The following HNF1B variants were observed in gnomAD, a reference collection of about 807,000 sequenced individuals.
HNF1B encodes the protein HNF1 homeobox B.
HNF1B carries 8 observed loss-of-function variants against 61.7 expected under a neutral mutation model. That is an observed-to-expected ratio of 0.13 (90% CI 0.08 to 0.23). The LOEUF (loss-of-function observed/expected upper bound fraction) is 0.23, where lower values mean the gene tolerates loss of function less well. Ranked by LOEUF, HNF1B falls within the 10% of genes least tolerant of loss-of-function variation. HNF1B has a pLI of 1.00. For missense variants in HNF1B, 562 were observed against 714.5 expected, an observed-to-expected ratio of 0.79 and a Z score of 2.43; for synonymous variants, 314 against 287.7, an observed-to-expected ratio of 1.09 and a Z score of -0.93.
At chr17:37,724,605 A>T (rs1325202929) in intron 4 of HNF1B, among the ~76,000 whole-genome samples, 1 of 152,230 alleles carries the variant, frequency 6.6e-6, no homozygotes, top group African/African-American at 2.4e-5. Context: ...TGTGAAAATT[A>T]TATGAAATTT....
At chr17:37,690,670 C>T (rs1309811192) in intron 8 of HNF1B, among the ~76,000 whole-genome samples, 1 of 152,194 alleles carries the variant, frequency 6.6e-6, no homozygotes, top group Non-Finnish European at 1.5e-5. Context: ...ACTCTCAGCT[C>T]TCTCACTTGA....
intron 5 of HNF1B, among the ~76,000 whole-genome samples, chr17:37,706,131 G>T (rs567560802): frequency 6.6e-6 from 1 of 152,100 alleles, no homozygotes; most frequent in Admixed American, 6.5e-5. Context: ...GCTGATTTTT[G>T]TATTTTTAGT....
At chr17:37,732,849 G>GTT (rs56385838) in intron 3 of HNF1B, among the ~76,000 whole-genome samples, 44 of 148,730 alleles carry the variant, frequency 3.0e-4, no homozygotes, top group South Asian at 1.1e-3. Context: ...TTGTTTTTTT[G>GTT]TTTTTTTTTT....
At chr17:37,733,036 A>G (rs1256185746) in intron 3 of HNF1B, among the ~76,000 whole-genome samples, 2 of 152,078 alleles carry the variant, frequency 1.3e-5, no homozygotes, top group African/African-American at 4.8e-5. Flanking sequence ...AGTGGACTGA[A>G]CAGATCTGAC....
chr17:37,735,787 C>T (rs1005800944), intron 2 of HNF1B, among the ~76,000 whole-genome samples: 2 of 152,094 alleles, frequency 1.3e-5, no homozygotes. Context: ...CAAACAAGGT[C>T]TTGCTCTGTG....
At chr17:37,728,516 C>T (rs1372036740) in intron 4 of HNF1B, 2 of 151,944 alleles carry the variant, frequency 1.3e-5, no homozygotes, top group African/African-American at 4.8e-5. Context: ...CTGTGTTAGC[C>T]AGGATGGCCT....
intron 4 of HNF1B, among the ~76,000 whole-genome samples, chr17:37,714,145 A>T (rs1383140931): frequency 6.6e-6 from 1 of 152,220 alleles, no homozygotes; most frequent in Non-Finnish European, 1.5e-5. Flanking sequence ...CTGTCAGGTC[A>T]TTGGGAAGAG....
chr17:37,693,059 C>G (rs3110633), intron 8 of HNF1B, among the ~76,000 whole-genome samples: 39,513 of 151,560 alleles, frequency 0.26, 5,466 homozygotes, highest in South Asian at 0.41. Flanking sequence ...GTGTGGTGGC[C>G]TGTGCCTGTA....
rs755951130 is a variant in HNF1B at position 37,731,607 on chromosome 17, T to C, written c.1033A>G (p.Asn345Asp). The C allele has an allele frequency of 3.1e-6, 5 of 1,612,426 alleles. No individual in the cohort carries two copies. The African/African-American group carries it at 4.0e-5, about 13-fold the overall frequency. Residue 345 changes from asparagine to aspartate, a missense_variant, in exon 4 of 9, where the codon AAC becomes GAC. Coordinates refer to ENST00000617811, the MANE Select transcript of HNF1B (RefSeq NM_000458.4). ...PHHQPSSSPP[N>D]KLSGVRYSQQ... ...AACCTTTGCTTACCTGACAGCTTGT[T>C]TGGAGGAGAGGAGCTGGGCTGGTGG...
rs756043181 is a variant in HNF1B at position 37,744,698 on chromosome 17, G to A, written c.187C>T (p.His63Tyr). 4.3e-6 allele frequency: 7 copies of A among 1,613,586 alleles called. No homozygotes were observed. The South Asian group carries it at 6.6e-5, about 15-fold the overall frequency. ...TTGGCGTGGCCGTTGGTGAGAGTAT[G>A]GAAGACCGGCTTGGTGTCGGGCTCG... ...GAEPDTKPVF[H>Y]TLTNGHAKGR... Residue 63 changes from histidine to tyrosine, a missense_variant, in exon 1 of 9, where the codon CAT becomes TAT. His to Tyr is a moderately conservative substitution (Grantham distance 83). Transcript: ENST00000617811.
intron 4 of HNF1B, among the ~76,000 whole-genome samples, chr17:37,711,826 A>G (rs1482048836): frequency 6.6e-6 from 1 of 152,202 alleles, no homozygotes; most frequent in East Asian, 1.9e-4. Context: ...CAGTTTCCCA[A>G]GATGAACCAT....
Position 37,718,627 on chromosome 17 carries a change from A to G in HNF1B, c.1046-7964T>C, listed in dbSNP as rs550034269. Among the ~76,000 whole-genome samples, 4 of 152,304 alleles carry G rather than the reference A, an allele frequency of 2.6e-5. No homozygotes were observed. In the South Asian group the frequency reaches 8.3e-4, roughly 32 times the overall value. On this transcript the variant is annotated intron_variant, in intron 4 of 8. Coordinates refer to ENST00000617811, the MANE Select transcript of HNF1B (RefSeq NM_000458.4). ...CCTAAGCCCCAAATGGGCTCCAGAT[A>G]TGTAGAGCCTCCCCATCACGACCCA...
At chr17:37,711,342 C>T (rs1568646275) in intron 4 of HNF1B, among the ~76,000 whole-genome samples, 1 of 152,174 alleles carries the variant, frequency 6.6e-6, no homozygotes, top group Non-Finnish European at 1.5e-5. Flanking sequence ...TTCCAGGGCA[C>T]AGGGAAAGGT....
intron 6 of HNF1B, among the ~76,000 whole-genome samples, chr17:37,702,676 G>A (rs920575060): frequency 3.9e-5 from 6 of 152,222 alleles, no homozygotes; most frequent in Non-Finnish European, 5.9e-5. Context: ...GTCTAGAGTG[G>A]ATGACATTTG....
intron 8 of HNF1B, among the ~76,000 whole-genome samples, chr17:37,688,538 AAG>A (rs1466526398): frequency 6.6e-6 from 1 of 152,138 alleles, no homozygotes; most frequent in East Asian, 1.9e-4. Flanking sequence ...ACAAGGCTAA[AAG>A]AGAGTCAGTG....
intron 8 of HNF1B, among the ~76,000 whole-genome samples, chr17:37,690,327 C>G (rs866242400): frequency 3.6e-4 from 55 of 152,172 alleles, no homozygotes; most frequent in African/African-American, 1.3e-3. Flanking sequence ...AACGGCGACA[C>G]TGGCAGGGGC....
chr17:37,743,582 A>G (rs900643398), intron 1 of HNF1B, among the ~76,000 whole-genome samples: 1 of 152,222 alleles, frequency 6.6e-6, no homozygotes, highest in Non-Finnish European at 1.5e-5. Flanking sequence ...GCAGCGCTTC[A>G]GTGTCCGAAG....
chr17:37,692,811 G>A (rs1334741344), intron 8 of HNF1B, among the ~76,000 whole-genome samples: 2 of 152,150 alleles, frequency 1.3e-5, no homozygotes, highest in African/African-American at 4.8e-5. Context: ...GGTAGGATGT[G>A]CTTGAGAGAT....
At chr17:37,737,851 A>C (rs551008474) in intron 2 of HNF1B, among the ~76,000 whole-genome samples, 1 of 152,252 alleles carries the variant, frequency 6.6e-6, no homozygotes, top group South Asian at 2.1e-4. Flanking sequence ...TTAAATAAAT[A>C]AATAAATAAA....
Sources: allele counts gnomAD v4.1 joint callset (sites outside exome capture counted in the v4.1 genomes callset), GRCh38; gene constraint gnomAD v4.1.1; transcripts MANE v1.5; gene names NCBI Gene and HGNC (gene_info 2026-07-23, HGNC 2026-07-21).